The following DOP1B variants were observed in gnomAD, a reference collection of about 807,000 sequenced individuals.
The protein encoded by DOP1B is protein DOP1B.
Under a neutral mutation model 233.5 loss-of-function variants are expected in DOP1B, and 174 were observed. That is an observed-to-expected ratio of 0.75 (90% CI 0.66 to 0.85). The LOEUF is 0.85. Ranked by LOEUF, DOP1B falls within the 40% of genes least tolerant of loss-of-function variation. The pLI is 0.00. For missense variants in DOP1B, 2,652 were observed against 2,846.6 expected, an observed-to-expected ratio of 0.93 and a Z score of 1.56; for synonymous variants, 1,190 against 1,185.6, an observed-to-expected ratio of 1.00 and a Z score of -0.08.
Position 36,245,251 on chromosome 21 carries a change from T to C in DOP1B, c.3271T>C (p.Tyr1091His), listed in dbSNP as rs1454425769. The change falls in exon 19 of 37, where the codon TAC (tyrosine) becomes CAC (histidine). Residue 1091 changes from tyrosine (Y) to histidine (H), a missense_variant. Coordinates refer to ENST00000691173, the MANE Select transcript of DOP1B (RefSeq NM_001320714.2). This position sits in a 1 kb window ranked among gnomAD's most constrained non-coding sequence, Gnocchi z 5.5. ...CGAGCTGAGCGAGGAAGAGCTGCCCTACTACGTGGAGCTTCCAGACAGGAC... is the reference window on the plus strand; with the variant it reads ...CGAGCTGAGCGAGGAAGAGCTGCCCCACTACGTGGAGCTTCCAGACAGGAC... Reference protein sequence around the residue: ...RGELSEEELPYYVELPDRTAH... With the variant: ...RGELSEEELPHYVELPDRTAH... 5.0e-6 allele frequency: 8 copies of C among 1,614,106 alleles called. No individual in the cohort carries two copies. Among genetic ancestry groups the C allele is most frequent in the Non-Finnish European group, 6.8e-6 (8 of 1,180,042 alleles).
Position 36,257,943 on chromosome 21 carries a change from ATAGATGTAGG to A in DOP1B, c.5260-2720_5260-2711del, listed in dbSNP as rs138262408. Among the ~76,000 whole-genome samples the A allele has an allele frequency of 5.2e-4, 78 of 150,526 alleles. No individual in the cohort carries two copies. The East Asian group carries it at 5.4e-3, about 10-fold the overall frequency. On this transcript the variant is annotated intron_variant, in intron 23 of 36. Coordinates refer to ENST00000691173, the MANE Select transcript of DOP1B (RefSeq NM_001320714.2). Reference sequence around the variant, plus strand: ...TGTAGGTACGTAGGTAGATAGGGAGATAGATGTAGGTAGATGTAGGTAGGTAGGTAGATGT... The same window carrying A: ...TGTAGGTACGTAGGTAGATAGGGAGATAGATGTAGGTAGGTAGGTAGATGT...
intron 11 of DOP1B, among the ~76,000 whole-genome samples, chr21:36,223,991 G>A (rs1030122500): frequency 4.6e-5 from 7 of 151,924 alleles, no homozygotes; most frequent in African/African-American, 1.7e-4. Flanking sequence ...AATGCTCTTG[G>A]CTGTTTCAGA....
At position 36,260,939 on chromosome 21, in the gene DOP1B, A is replaced by G. The variant is rs1215057689; in HGVS notation, c.5315+207A>G. 6 of 1,363,880 alleles carry G rather than the reference A, an allele frequency of 4.4e-6. No homozygotes were observed. In the African/African-American group the frequency reaches 8.9e-5, roughly 20 times the overall value. 84.5% of individuals were successfully genotyped at this position (1,363,880 alleles called of 1,614,324 possible). On this transcript the variant is annotated intron_variant, in intron 24 of 36. Coordinates refer to ENST00000691173, the MANE Select transcript of DOP1B (RefSeq NM_001320714.2). The stretch of plus-strand genomic sequence containing the variant: ...TAACATCTTAAAATCTGTGCAGCGT[A>G]CTTTGAACACTTTATATGAGCGAAG...
At chr21:36,268,076 CAG>C (rs1569062013) in intron 26 of DOP1B, among the ~76,000 whole-genome samples, 1 of 152,128 alleles carries the variant, frequency 6.6e-6, no homozygotes, top group African/African-American at 2.4e-5. Flanking sequence ...CGTTGGAGAG[CAG>C]AGAACCGGTC....
chr21:36,265,505 G>A (rs558055686), intron 26 of DOP1B, among the ~76,000 whole-genome samples: 10 of 152,300 alleles, frequency 6.6e-5, no homozygotes, highest in African/African-American at 7.2e-5. Context: ...TTACAATGCC[G>A]ATGCTGCACG....
intron 26 of DOP1B, among the ~76,000 whole-genome samples, chr21:36,267,631 T>TTTTTC (rs1301397775): frequency 6.6e-6 from 1 of 150,600 alleles, no homozygotes; most frequent in Non-Finnish European, 1.5e-5. Flanking sequence ...GAGACTTTTT[T>TTTTTC]TTTTTTTTTT....
chr21:36,286,639 AACACACACACACAC>A (rs3029064), intron 32 of DOP1B, among the ~76,000 whole-genome samples: 6 of 146,458 alleles, frequency 4.1e-5, no homozygotes, highest in African/African-American at 1.3e-4. Flanking sequence ...CCATCTCAAA[AACACACACACACAC>A]ACACACACAC....
intron 11 of DOP1B, 61 bp downstream of exon 11, chr21:36,223,411 G>A (rs1601424127): frequency 1.3e-6 from 2 of 1,569,054 alleles, no homozygotes; most frequent in Non-Finnish European, 1.7e-6. Flanking sequence ...TAATAATTTT[G>A]TAGCTGCTTA....
In DOP1B at chr21:36,289,262, T is replaced by G. The variant is rs2067527461; in HGVS notation, c.6515+56T>G. On this transcript the variant is annotated intron_variant, in intron 35 of 36. Coordinates refer to ENST00000691173, the MANE Select transcript of DOP1B (RefSeq NM_001320714.2). ...GAAGTAAGAGATTTTGTTTTTTCCT[T>G]TTAAGCACTTTCACTTGTTTTTCAT... The G allele has an allele frequency of 1.9e-6, 3 of 1,559,066 alleles. No homozygotes were observed. In the South Asian group the frequency reaches 3.5e-5, roughly 18 times the overall value.
At chr21:36,180,135 A>G (rs1158750524) in intron 2 of DOP1B, among the ~76,000 whole-genome samples, 3 of 99,454 alleles carry the variant, frequency 3.0e-5, no homozygotes, top group South Asian at 2.6e-4. Context: ...TAATTTATAA[A>G]GTTAAAAAAA....
chr21:36,286,150 C>T (rs1396057186), intron 32 of DOP1B, among the ~76,000 whole-genome samples: 3 of 152,020 alleles, frequency 2.0e-5, no homozygotes, highest in South Asian at 2.1e-4. Flanking sequence ...CTGTATGTCT[C>T]GGCTCAGAGT....
intron 23 of DOP1B, among the ~76,000 whole-genome samples, chr21:36,258,006 GGT>G (rs2067127285): frequency 6.8e-6 from 1 of 147,298 alleles, no homozygotes. Flanking sequence ...TAGGTAGGTA[GGT>G]AGATAGGTAG....
At chr21:36,257,829 G>GTAGATGTAGA (rs372706320) in intron 23 of DOP1B, among the ~76,000 whole-genome samples, 1 of 149,424 alleles carries the variant, frequency 6.7e-6, no homozygotes, top group Non-Finnish European at 1.5e-5. Context: ...ATGTAGGTAG[G>GTAGATGTAGA]TAGGTAGATG....
intron 23 of DOP1B, among the ~76,000 whole-genome samples, chr21:36,254,527 A>G (rs182928629): frequency 2.6e-5 from 4 of 152,258 alleles, no homozygotes; most frequent in African/African-American, 9.6e-5. Flanking sequence ...GGGCTTATCC[A>G]AATGAGGCTC....
At chr21:36,256,573 T>G (rs2123620617) in intron 23 of DOP1B, among the ~76,000 whole-genome samples, 2 of 152,316 alleles carry the variant, frequency 1.3e-5, no homozygotes, top group South Asian at 4.1e-4. Context: ...TCCCTGTGTG[T>G]CTCAGTGGGT....
intron 26 of DOP1B, among the ~76,000 whole-genome samples, chr21:36,269,661 A>C (rs371185947): frequency 4.0e-5 from 6 of 151,820 alleles, no homozygotes; most frequent in African/African-American, 1.5e-4. Flanking sequence ...CTGGGACTAC[A>C]GGCATGTGCC....
At chr21:36,244,982 C>T (rs2066938007) in intron 18 of DOP1B, 66 bp from the exon 19 acceptor site, 6 of 1,482,554 alleles carry the variant, frequency 4.0e-6, no homozygotes, top group Non-Finnish European at 5.4e-6. Context: ...ACAAAGACCG[C>T]CCTACAGCTA....
At chr21:36,267,000 A>C (rs1441044164) in intron 26 of DOP1B, among the ~76,000 whole-genome samples, 1 of 151,964 alleles carries the variant, frequency 6.6e-6, no homozygotes, top group Non-Finnish European at 1.5e-5. Context: ...CCTCGAGCGC[A>C]CCCTTCTCTC....
intron 1 of DOP1B, among the ~76,000 whole-genome samples, chr21:36,157,486 C>T (rs898804415): frequency 2.8e-4 from 42 of 152,358 alleles, no homozygotes; most frequent in African/African-American, 9.4e-4. Context: ...CAGCCTGGCC[C>T]CTGCGCCCTG....
Sources: allele counts gnomAD v4.1 joint callset (sites outside exome capture counted in the v4.1 genomes callset), GRCh38; gene constraint gnomAD v4.1.1; non-coding constraint Gnocchi (gnomAD v3.1); transcripts MANE v1.5; gene names NCBI Gene and HGNC (gene_info 2026-07-23, HGNC 2026-07-21).